SHCBP1L: variants seen among roughly 807,000 people sequenced by gnomAD.
SHCBP1L encodes SHC binding and spindle associated 1 like.
In SHCBP1L, 67 loss-of-function variants were observed where a neutral mutation model predicts 62.5. The observed-to-expected ratio is 1.07, with a 90% confidence interval of 0.88 to 1.31. The LOEUF is 1.31. SHCBP1L is among the 40% of genes most tolerant of loss of function. SHCBP1L has a pLI of 0.00. For synonymous variants in SHCBP1L, 284 were observed against 289.4 expected (o/e 0.98, Z 0.19); for missense variants, 823 against 809.8 (o/e 1.02, Z -0.20).
At chr1:182,947,443 A>C (rs1558005943) in intron 2 of SHCBP1L, among the ~76,000 whole-genome samples, 1 of 152,146 alleles carries the variant, frequency 6.6e-6, no homozygotes, top group Non-Finnish European at 1.5e-5. Context: ...AGTTATAAAA[A>C]AGTTTTCTTA....
chr1:182,934,426 A>G (rs1164244055), intron 5 of SHCBP1L, among the ~76,000 whole-genome samples: 2 of 152,104 alleles, frequency 1.3e-5, no homozygotes, highest in Non-Finnish European at 2.9e-5. Context: ...TTAATTTGCA[A>G]CTTACTAATG....
intron 6 of SHCBP1L, among the ~76,000 whole-genome samples, chr1:182,916,081 C>T (rs1650349013): frequency 6.6e-6 from 1 of 152,162 alleles, no homozygotes; most frequent in Admixed American, 6.5e-5. Flanking sequence ...GCTGGGATTA[C>T]AGGCGTGAGC....
intron 2 of SHCBP1L, among the ~76,000 whole-genome samples, chr1:182,947,476 A>C (rs1027277471): frequency 6.6e-6 from 1 of 152,180 alleles, no homozygotes; most frequent in African/African-American, 2.4e-5. Context: ...TTTTATAACC[A>C]AAATTAAGGA....
chr1:182,905,439 C>T, intron 7 of SHCBP1L, 57 bp downstream of exon 7: 2 of 1,505,460 alleles, frequency 1.3e-6, no homozygotes, highest in Non-Finnish European at 1.8e-6. Context: ...GTTTAGAATA[C>T]ACAATTTGTC....
intron 1 of SHCBP1L, 132 bp downstream of exon 1, chr1:182,952,597 T>C (rs1651814111): frequency 1.9e-6 from 2 of 1,069,322 alleles, no homozygotes; most frequent in South Asian, 1.7e-5. Flanking sequence ...GTTGACTCCA[T>C]TTACTTTTTT....
Position 182,952,156 on chromosome 1 carries a change from C to CAAA in SHCBP1L, c.405+570_405+572dup, listed in dbSNP as rs869293009. Reference sequence around the variant, plus strand: ...GGCAACAAGAATGAAACTCCGTCTCCAAAAAAAAAAAAAAAAAAAAAAAAA... The same window carrying CAAA: ...GGCAACAAGAATGAAACTCCGTCTCCAAAAAAAAAAAAAAAAAAAAAAAAAAAA... On this transcript the variant is annotated intron_variant, in intron 1 of 9. Transcript: ENST00000367547. 1.6e-4 allele frequency among the ~76,000 whole-genome samples: 2 copies of CAAA among 12,684 alleles called. 1 individual carries two copies. Among genetic ancestry groups the CAAA allele is most frequent in the Non-Finnish European group, 3.2e-4 (2 of 6,338 alleles). The allele number at this position is 12,684 out of a possible 152,430, so 8.3% of individuals were successfully genotyped here.
chr1:182,932,512 G>A (rs992697280), intron 5 of SHCBP1L, among the ~76,000 whole-genome samples: 10 of 147,514 alleles, frequency 6.8e-5, no homozygotes, highest in Non-Finnish European at 1.5e-4. Flanking sequence ...TCAGAGTCTC[G>A]CTCTGTTGCC....
chr1:182,906,880 C>T (rs1487630706), intron 6 of SHCBP1L, among the ~76,000 whole-genome samples: 2 of 152,136 alleles, frequency 1.3e-5, no homozygotes, highest in Admixed American at 6.5e-5. Flanking sequence ...TGCAGTGGCA[C>T]GATCATGGCT....
At chr1:182,915,529 C>T (rs1571341280) in intron 6 of SHCBP1L, among the ~76,000 whole-genome samples, 2 of 152,194 alleles carry the variant, frequency 1.3e-5, no homozygotes, top group Middle Eastern at 6.8e-3. Context: ...ACTAGAACAT[C>T]TAGACAGAAG....
intron 6 of SHCBP1L, among the ~76,000 whole-genome samples, chr1:182,914,302 G>A (rs183371391): frequency 5.0e-4 from 76 of 152,146 alleles, no homozygotes; most frequent in African/African-American, 1.8e-3. Context: ...GTAACTCAAA[G>A]CCATATAAAG....
At chr1:182,946,779 T>C (rs564230961) in intron 2 of SHCBP1L, among the ~76,000 whole-genome samples, 30 of 152,332 alleles carry the variant, frequency 2.0e-4, no homozygotes, top group Non-Finnish European at 3.5e-4. Flanking sequence ...TCCTTTTAAG[T>C]CTATTTTCTT....
In SHCBP1L at chr1:182,902,996, T is replaced by C. The variant is rs370979084; in HGVS notation, c.1710+43A>G. The C allele has an allele frequency of 4.1e-5, 59 of 1,443,284 alleles. No homozygotes were observed. In the African/African-American group the frequency reaches 7.9e-4, roughly 19 times the overall value. 89.4% of individuals were successfully genotyped at this position (1,443,284 alleles called of 1,614,324 possible). ...TAATATTTTAGTACTTATAATTACT[T>C]ACAATTCTTATAACAATGCTACATC... On this transcript the variant is annotated intron_variant, in intron 9 of 9. Coordinates refer to ENST00000367547, the MANE Select transcript of SHCBP1L (RefSeq NM_030933.4).
chr1:182,942,864 C>T (rs1651418340), intron 2 of SHCBP1L, among the ~76,000 whole-genome samples: 1 of 152,016 alleles, frequency 6.6e-6, no homozygotes, highest in South Asian at 2.1e-4. Context: ...ACAATAATCA[C>T]TTAAATACAG....
In SHCBP1L at chr1:182,952,833, C is replaced by A. The variant is rs1287742912; in HGVS notation, c.301G>T (p.Glu101Ter). 6.2e-7 allele frequency: 1 copy of A among 1,612,140 alleles called. No homozygotes were observed. The highest frequency in any genetic ancestry group is 1.1e-5 in the South Asian group (1 of 90,886). ...EPLLPVPEDE[E>*]EAQPLPPVCV... ...ACTGGGGGCAGGGGCTGCGCCTCCT[C>A]TTCATCCTCAGGCACTGGCAGCAGG... The change falls in exon 1 of 10, where the codon GAG (glutamate) becomes TAG (stop). Residue 101 changes from glutamate (E) to a stop codon, truncating the protein, a stop_gained. Coordinates refer to ENST00000367547, the MANE Select transcript of SHCBP1L (RefSeq NM_030933.4). LOFTEE classifies it high-confidence loss of function.
chr1:182,939,161 A>G lies in SHCBP1L; in HGVS notation c.1076+15T>C, dbSNP rs771931858. The G allele has an allele frequency of 1.3e-5, 20 of 1,589,212 alleles. No individual in the cohort carries two copies. The highest frequency in any genetic ancestry group is 7.0e-5 in the Admixed American group (4 of 56,956). ...GTAAACTTTTGCTTCTATTTGAAAT[A>G]GAGCAAATTATTACCGGAGGCGTAA... On this transcript the variant is annotated intron_variant, in intron 5 of 9. Transcript: ENST00000367547.
chr1:182,929,558 T>A, intron 6 of SHCBP1L, 89 bp downstream of exon 6: 1 of 693,070 alleles, frequency 1.4e-6, no homozygotes, highest in South Asian at 2.5e-5. Context: ...GCATTAATGA[T>A]TAGACAAGGA....
chr1:182,924,800 GGA>G (rs1650660300), intron 6 of SHCBP1L, among the ~76,000 whole-genome samples: 1 of 138,168 alleles, frequency 7.2e-6, no homozygotes, highest in African/African-American at 2.8e-5. Flanking sequence ...GAGAAAGAAA[GGA>G]AGGAAGGAAG....
intron 6 of SHCBP1L, among the ~76,000 whole-genome samples, chr1:182,924,845 A>G: frequency 1.4e-5 from 2 of 139,402 alleles, no homozygotes; most frequent in East Asian, 2.2e-4. Context: ...AGGAGGGAGG[A>G]AGGGAGGGAG....
Position 182,906,368 on chromosome 1 carries a change from C to T in SHCBP1L, c.1183-719G>A, listed in dbSNP as rs564062633. ...ATGACACCAGATCTCATGCTCTTCC[C>T]TATGTATCATTTTGTTTTCTTTAAC... is the stretch of plus-strand genomic sequence containing the variant. On this transcript the variant is annotated intron_variant, in intron 6 of 9. Transcript: ENST00000367547. Among the ~76,000 whole-genome samples, 90 of 152,142 alleles carry T rather than the reference C, an allele frequency of 5.9e-4. 1 individual carries two copies. The highest frequency in any genetic ancestry group is 2.1e-3 in the African/African-American group (87 of 41,500).
Sources: allele counts gnomAD v4.1 joint callset (sites outside exome capture counted in the v4.1 genomes callset), GRCh38; gene constraint gnomAD v4.1.1; transcripts MANE v1.5; gene names NCBI Gene and HGNC (gene_info 2026-07-23, HGNC 2026-07-21).